KCNN1: variants seen among roughly 807,000 people sequenced by gnomAD.
KCNN1 encodes the protein small conductance calcium-activated potassium channel protein 1.
In KCNN1, 20 loss-of-function variants were observed where a neutral mutation model predicts 44.7. That is an observed-to-expected ratio of 0.45 (90% CI 0.32 to 0.65). The LOEUF (loss-of-function observed/expected upper bound fraction) is 0.65, where lower values mean the gene tolerates loss of function less well. Ranked by LOEUF, KCNN1 falls within the 30% of genes least tolerant of loss-of-function variation. KCNN1 has a pLI of 0.05. For missense variants in KCNN1, 632 were observed against 785.3 expected (o/e 0.80, Z 2.33); for synonymous variants, 324 against 341.7 (o/e 0.95, Z 0.57).
intron 3 of KCNN1, among the ~76,000 whole-genome samples, chr19:17,977,487 C>G (rs2032244852): frequency 6.6e-6 from 1 of 151,836 alleles, no homozygotes; most frequent in South Asian, 2.1e-4. Flanking sequence ...ATTACAAGCA[C>G]TTGCCACCAT....
chr19:17,952,222 G>C (rs2031429328), intron 1 of KCNN1: 1 of 151,918 alleles, frequency 6.6e-6, no homozygotes, highest in Non-Finnish European at 1.5e-5. Flanking sequence ...GGAGGGGGTC[G>C]GCTCTGCGGC....
chr19:17,986,800 G>A (rs2032613568), intron 5 of KCNN1, among the ~76,000 whole-genome samples: 1 of 151,030 alleles, frequency 6.6e-6, no homozygotes, highest in South Asian at 2.1e-4. Flanking sequence ...CCTGGCCCAT[G>A]CCTGACTTTG....
chr19:17,957,315 A>G (rs896065913), intron 2 of KCNN1, among the ~76,000 whole-genome samples: 1 of 149,492 alleles, frequency 6.7e-6, no homozygotes, highest in Non-Finnish European at 1.5e-5. Flanking sequence ...AGGGAGAGAG[A>G]AAAAAAGAAG....
intron 4 of KCNN1, chr19:17,982,429 C>A: frequency 2.1e-6 from 1 of 472,366 alleles, no homozygotes; most frequent in Non-Finnish European, 2.8e-6. Flanking sequence ...CCTCGGCTCC[C>A]TGGGAGGCTG....
Position 17,952,891 on chromosome 19 carries a change from G to T in KCNN1, c.-203+1482G>T, listed in dbSNP as rs2031450468. ...GAGGAGGGGCTGAGGCCCAGAGAGGGTTACCACTCGCCCAAGGTCACCCAG... is the reference window on the plus strand; with the variant it reads ...GAGGAGGGGCTGAGGCCCAGAGAGGTTTACCACTCGCCCAAGGTCACCCAG... On this transcript the variant is annotated intron_variant, in intron 1 of 10. Coordinates refer to the KCNN1 transcript ENST00000222249. 2.0e-5 allele frequency among the ~76,000 whole-genome samples: 3 copies of T among 152,218 alleles called. No individual in the cohort carries two copies. In the South Asian group the frequency reaches 6.2e-4, roughly 32 times the overall value.
rs951224023 is a variant in KCNN1 at position 17,998,723 on chromosome 19, C to A, written c.*317C>A. 3 of 288,096 alleles carry A rather than the reference C, an allele frequency of 1.0e-5. No individual in the cohort carries two copies. The highest frequency in any genetic ancestry group is 6.6e-5 in the African/African-American group (3 of 45,634). 17.8% of individuals were successfully genotyped at this position (288,096 alleles called of 1,614,324 possible). On this transcript the variant is annotated 3_prime_UTR_variant, in exon 10 of 10. Coordinates refer to ENST00000684775, the MANE Select transcript of KCNN1 (RefSeq NM_001386974.1). The surrounding 1 kb of genome is among the most constrained non-coding windows in gnomAD (Gnocchi z 5.4). ...GACCCGCCTAGTGGCTGCCTGTGTG[C>A]ATGGCTGGAAGGCACTGGTGATGTC...
intron 2 of KCNN1, among the ~76,000 whole-genome samples, chr19:17,955,037 CAAAAAAAAAA>C (rs34300645): frequency 1.0e-5 from 1 of 96,668 alleles, no homozygotes. Flanking sequence ...AGCTCTGTTT[CAAAAAAAAAA>C]AAAAAAAGGT....
At chr19:17,965,201 G>A (rs956701773), upstream of KCNN1, among the ~76,000 whole-genome samples, 1 of 151,844 alleles carries the variant, frequency 6.6e-6, no homozygotes, top group South Asian at 2.1e-4. Context: ...AGGAGGTGGA[G>A]GTTTAGAGGT....
intron 3 of KCNN1, among the ~76,000 whole-genome samples, chr19:17,976,442 A>C (rs1261805421): frequency 6.7e-6 from 1 of 148,930 alleles, no homozygotes; most frequent in African/African-American, 2.5e-5. Flanking sequence ...TTTGAGACGG[A>C]GTTTCACTGT....
At position 17,981,826 on chromosome 19, in the gene KCNN1, C is replaced by T; in HGVS notation, c.616C>T (p.Arg206Cys). The change falls in exon 4 of 10, where the codon CGC becomes TGC. Residue 206 changes from arginine to cysteine, a missense_variant. Coordinates refer to ENST00000684775, the MANE Select transcript of KCNN1 (RefSeq NM_001386974.1). ...CATTCACCCGGTGCCCGGCCACTACCGCTTCACGTGGACGGCGCGGCTGGC... is the reference window on the plus strand; with the variant it reads ...CATTCACCCGGTGCCCGGCCACTACTGCTTCACGTGGACGGCGCGGCTGGC... ...CAIHPVPGHY[R>C]FTWTARLAFT... is the part of the protein sequence containing the mutation. 1 of 1,613,186 alleles carries T rather than the reference C, an allele frequency of 6.2e-7. No individual in the cohort carries two copies. Among genetic ancestry groups the T allele is most frequent in the Non-Finnish European group, 8.5e-7 (1 of 1,179,530 alleles).
At chr19:17,975,232 C>T in intron 3 of KCNN1, 45 bp downstream of exon 3, 1 of 1,415,876 alleles carries the variant, frequency 7.1e-7, no homozygotes, top group Non-Finnish European at 1.0e-6. Context: ...CCTCAAACCC[C>T]AGATCCCCCC....
chr19:17,980,313 G>C (rs946272192), intron 3 of KCNN1, among the ~76,000 whole-genome samples: 11 of 131,410 alleles, frequency 8.4e-5, no homozygotes, highest in African/African-American at 3.2e-4. Flanking sequence ...GTCTCAAACT[G>C]CTGGCCTCAA....
Position 17,988,435 on chromosome 19 carries a change from C to G in KCNN1, c.1080C>G (p.Leu360=). The G allele has an allele frequency of 2.5e-6, 4 of 1,613,044 alleles. No homozygotes were observed. The highest frequency in any genetic ancestry group is 3.4e-6 in the Non-Finnish European group (4 of 1,179,652). ...CACAGGGAGCTGGCTGTACCGCGCT[C>G]GTGGTGGCTGTGGTGGCTCGGAAGC... The part of the protein sequence containing the change: ...TGIMGAGCTA[L]VVAVVARKLE... The change falls in exon 6 of 10, where the codon CTC becomes CTG. Residue 360 remains leucine, a synonymous_variant. Transcript: ENST00000684775.
chr19:17,955,037 CAA>C (rs34300645), intron 2 of KCNN1, among the ~76,000 whole-genome samples: 25 of 96,616 alleles, frequency 2.6e-4, no homozygotes, highest in Admixed American at 5.5e-4. Context: ...AGCTCTGTTT[CAA>C]AAAAAAAAAA....
intron 2 of KCNN1, among the ~76,000 whole-genome samples, chr19:17,958,688 G>A (rs1038184569): frequency 1.3e-4 from 20 of 148,480 alleles, no homozygotes; most frequent in Non-Finnish European, 3.0e-5. Flanking sequence ...ATTTTCAATT[G>A]TATTTATTTA....
In KCNN1 at chr19:18,000,065, C is replaced by T. The variant is rs976274116; in HGVS notation, c.*1659C>T. On this transcript the variant is annotated 3_prime_UTR_variant, in exon 10 of 10. Coordinates refer to ENST00000684775, the MANE Select transcript of KCNN1 (RefSeq NM_001386974.1). Reference sequence around the variant, plus strand: ...TAGGTGCTCAATAAATGCTCCTTCCCGCCTGAGGGATCACACTGGAGTCTT... The same window carrying T: ...TAGGTGCTCAATAAATGCTCCTTCCTGCCTGAGGGATCACACTGGAGTCTT... 3.7e-5 allele frequency: 17 copies of T among 455,092 alleles called. No homozygotes were observed. Among genetic ancestry groups the T allele is most frequent in the East Asian group, 3.5e-4 (5 of 14,410 alleles). The allele number at this position is 455,092 out of a possible 1,614,324, so 28.2% of individuals were successfully genotyped here. A position where few individuals can be genotyped will look rare whatever the true frequency, so the allele number is the denominator to read the frequency against.
chr19:17,975,055 C>T (rs1437925377), intron 2 of KCNN1, 37 bp from the exon 3 acceptor site: 2 of 1,568,838 alleles, frequency 1.3e-6, no homozygotes, highest in Admixed American at 3.3e-5. Context: ...CCCACCGCCT[C>T]CAGCGTCCAT....
rs2032848230 is a variant in KCNN1 at position 17,993,017 on chromosome 19, C to T, written c.1299-37C>T. On this transcript the variant is annotated intron_variant, in intron 7 of 9. Transcript: ENST00000684775. The surrounding 1 kb of genome is among the most constrained non-coding windows in gnomAD (Gnocchi z 4.5). ...ACAACTGTGCTGAGGTTAAAATTGCCTTGTGATTTTTCTCCTGCTCTGCCC... is the reference window on the plus strand; with the variant it reads ...ACAACTGTGCTGAGGTTAAAATTGCTTTGTGATTTTTCTCCTGCTCTGCCC... The T allele has an allele frequency of 6.2e-7, 1 of 1,612,840 alleles. No homozygotes were observed. Among genetic ancestry groups the T allele is most frequent in the Non-Finnish European group, 8.5e-7 (1 of 1,179,426 alleles).
chr19:17,992,931 A>C, intron 7 of KCNN1, 123 bp from the exon 8 acceptor site: 6 of 1,237,676 alleles, frequency 4.8e-6, no homozygotes, highest in South Asian at 1.3e-5. Context: ...CCATCTGGGA[A>C]CCCCGCGCGG....
Sources: gnomAD v4.1 joint callset for allele counts (sites outside exome capture counted in the v4.1 genomes callset) on GRCh38, gnomAD v4.1.1 for gene constraint, Gnocchi (gnomAD v3.1) non-coding constraint, MANE v1.5 for transcripts, NCBI Gene and HGNC (gene_info 2026-07-23, HGNC 2026-07-21) for gene names.